The following EXT1 variants were observed in gnomAD, a reference collection of about 807,000 sequenced individuals.
EXT1 encodes exostosin glycosyltransferase 1.
In EXT1, 20 loss-of-function variants were observed where a neutral mutation model predicts 82.5. That is an observed-to-expected ratio of 0.24 (90% confidence interval 0.17 to 0.35). The LOEUF is 0.35. EXT1 is among the 10% of genes least tolerant of loss of function. The probability of loss-of-function intolerance (pLI) is 1.00; values close to 1 mark genes in which losing one functional copy is unlikely to be tolerated. For missense variants in EXT1, 757 were observed against 936.5 expected, an observed-to-expected ratio of 0.81 and a Z score of 2.50; for synonymous variants, 348 against 350.8, an observed-to-expected ratio of 0.99 and a Z score of 0.09.
In EXT1 at chr8:117,953,436, A is replaced by G. The variant is rs540182393; in HGVS notation, c.963-116235T>C. On this transcript the variant is annotated intron_variant, in intron 1 of 10. Transcript: ENST00000378204. ...GTTTTTCTTAGCACTGTGAGCCCCA[A>G]TGAAGCAAACAGCCTCATCAAGTAC... Among the ~76,000 whole-genome samples the G allele has an allele frequency of 1.3e-3, 200 of 151,560 alleles. 3 individuals carry two copies. The highest frequency in any genetic ancestry group is 2.8e-4 in the Non-Finnish European group (19 of 67,918).
chr8:118,088,856 A>G (rs1817474589), intron 1 of EXT1, among the ~76,000 whole-genome samples: 2 of 152,184 alleles, frequency 1.3e-5, no homozygotes, highest in African/African-American at 4.8e-5. Flanking sequence ...GTGAAGTAAT[A>G]TGAAACAGCC....
intron 1 of EXT1, among the ~76,000 whole-genome samples, chr8:117,963,216 A>G (rs1039625975): frequency 6.6e-6 from 1 of 152,212 alleles, no homozygotes; most frequent in Non-Finnish European, 1.5e-5. Context: ...TAAATGCCAT[A>G]TAAAGTACAT....
chr8:117,934,852 T>G (rs894362523), intron 1 of EXT1, among the ~76,000 whole-genome samples: 1 of 152,146 alleles, frequency 6.6e-6, no homozygotes, highest in African/African-American at 2.4e-5. Flanking sequence ...ATGCAGAAAC[T>G]CAGGATAGAA....
chr8:118,029,288 T>C (rs999762166), intron 1 of EXT1, among the ~76,000 whole-genome samples: 16 of 152,020 alleles, frequency 1.1e-4, no homozygotes, highest in African/African-American at 3.1e-4. Context: ...TAGCCAGACA[T>C]AGCGGTGTGC....
At chr8:118,099,361 T>A (rs1257553797) in intron 1 of EXT1, among the ~76,000 whole-genome samples, 1 of 152,238 alleles carries the variant, frequency 6.6e-6, no homozygotes, top group African/African-American at 2.4e-5. Flanking sequence ...TCTGCAAGAA[T>A]CCCTCTTTCA....
intron 1 of EXT1, among the ~76,000 whole-genome samples, chr8:117,974,301 G>A (rs980752341): frequency 6.6e-6 from 1 of 152,152 alleles, no homozygotes; most frequent in Non-Finnish European, 1.5e-5. Context: ...ACTGATTGTT[G>A]TCTGAGCTGT....
chr8:117,854,883 A>AT lies in EXT1; in HGVS notation c.963-17683dup, dbSNP rs559718829. Among the ~76,000 whole-genome samples the AT allele has an allele frequency of 8.0e-3, 1,213 of 152,138 alleles. 12 individuals carry two copies. The highest frequency in any genetic ancestry group is 0.012 in the Non-Finnish European group (844 of 67,996). ...GTAGATGCTGCTGAACTTCACTTGCATTTTTTTTACCAGCAGTTTTGATGC... is the reference window on the plus strand; with the variant it reads ...GTAGATGCTGCTGAACTTCACTTGCATTTTTTTTTACCAGCAGTTTTGATGC... On this transcript the variant is annotated intron_variant, in intron 1 of 10. Transcript: ENST00000378204.
intron 1 of EXT1, among the ~76,000 whole-genome samples, chr8:118,023,083 T>G (rs1816140284): frequency 6.6e-6 from 1 of 152,208 alleles, no homozygotes; most frequent in Non-Finnish European, 1.5e-5. Context: ...CAATATTTCC[T>G]GGAAAATAAC....
At chr8:117,887,095 T>C in intron 1 of EXT1, among the ~76,000 whole-genome samples, 1 of 152,192 alleles carries the variant, frequency 6.6e-6, no homozygotes, top group Non-Finnish European at 1.5e-5. Context: ...CCAAGAAAGC[T>C]TTCTTGTCAT....
chr8:117,930,841 C>G (rs182535791), intron 1 of EXT1, among the ~76,000 whole-genome samples: 2 of 149,910 alleles, frequency 1.3e-5, no homozygotes, highest in African/African-American at 5.1e-5. Flanking sequence ...AAACAGCATG[C>G]GGTAAAGATG....
chr8:117,822,732 G>A (rs1290554647), intron 4 of EXT1, 135 bp from the exon 5 acceptor site: 3 of 916,524 alleles, frequency 3.3e-6, no homozygotes, highest in African/African-American at 1.6e-5. Context: ...TAATTCTCCG[G>A]ATAAAAATGT....
intron 1 of EXT1, among the ~76,000 whole-genome samples, chr8:117,924,238 T>C (rs1367480591): frequency 6.6e-6 from 1 of 152,210 alleles, no homozygotes; most frequent in Non-Finnish European, 1.5e-5. Context: ...ACCATATGTA[T>C]GGTGCTGGGC....
At position 117,799,593 on chromosome 8, in the gene EXT1, C is replaced by T. The variant is rs1823133013; in HGVS notation, c.*119G>A. On this transcript the variant is annotated 3_prime_UTR_variant, in exon 11 of 11. Coordinates refer to ENST00000378204, the MANE Select transcript of EXT1 (RefSeq NM_000127.3). The stretch of plus-strand genomic sequence containing the variant: ...TTTTTTTTTTTGTCATTCTGCTCAT[C>T]TAAGTTTTTGGATAGTTGGCACAAT... 1.7e-6 allele frequency: 2 copies of T among 1,173,898 alleles called. No homozygotes were observed. Among genetic ancestry groups the T allele is most frequent in the Admixed American group, 1.9e-5 (1 of 51,732 alleles). The allele number at this position is 1,173,898 out of a possible 1,614,324, so 72.7% of individuals were successfully genotyped here.
intron 1 of EXT1, among the ~76,000 whole-genome samples, chr8:118,099,839 A>G (rs1217122098): frequency 6.6e-6 from 1 of 152,166 alleles, no homozygotes; most frequent in African/African-American, 2.4e-5. Flanking sequence ...TGTTATCCTC[A>G]TCATCAACTG....
chr8:118,080,297 C>T (rs1817289327), intron 1 of EXT1, among the ~76,000 whole-genome samples: 1 of 152,160 alleles, frequency 6.6e-6, no homozygotes, highest in African/African-American at 2.4e-5. Context: ...TACTGTTTCC[C>T]TGAAATAGGA....
Position 117,797,190 on chromosome 8 carries a change from G to A in EXT1, c.*2522C>T, listed in dbSNP as rs1041133620. The A allele has an allele frequency of 2.6e-5, 4 of 152,214 alleles. No homozygotes were observed. The East Asian group carries it at 5.8e-4, about 22-fold the overall frequency. 9.4% of individuals were successfully genotyped at this position (152,214 alleles called of 1,614,324 possible). Reference sequence around the variant, plus strand: ...TGAATTAAAATTACATATTACTGTCGAGCTTCACTGATTTGTTAAGCATTG... The same window carrying A: ...TGAATTAAAATTACATATTACTGTCAAGCTTCACTGATTTGTTAAGCATTG... On this transcript the variant is annotated 3_prime_UTR_variant, in exon 11 of 11. Transcript: ENST00000378204.
intron 1 of EXT1, among the ~76,000 whole-genome samples, chr8:117,936,389 A>AT (rs112268748): frequency 6.6e-5 from 10 of 152,320 alleles, no homozygotes; most frequent in African/African-American, 2.4e-4. Context: ...TGCAGCTGCC[A>AT]TTTTTACTTG....
intron 1 of EXT1, among the ~76,000 whole-genome samples, chr8:118,100,915 C>T (rs1817706804): frequency 1.3e-5 from 2 of 152,128 alleles, no homozygotes; most frequent in African/African-American, 4.8e-5. Context: ...CTTGAAGACC[C>T]CTGTAGGTCT....
chr8:118,013,517 G>A (rs757320611), intron 1 of EXT1, among the ~76,000 whole-genome samples: 1 of 152,146 alleles, frequency 6.6e-6, no homozygotes, highest in Non-Finnish European at 1.5e-5. Context: ...TAGTACAGGG[G>A]CTAGAGTAGG....
Sources: gnomAD v4.1 joint callset for allele counts (sites outside exome capture counted in the v4.1 genomes callset) on GRCh38, gnomAD v4.1.1 for gene constraint, MANE v1.5 for transcripts, NCBI Gene and HGNC (gene_info 2026-07-23, HGNC 2026-07-21) for gene names.